The following CAMSAP2 variants were observed in gnomAD, a reference collection of about 807,000 sequenced individuals.
CAMSAP2 encodes calmodulin regulated spectrin associated protein family member 2.
In CAMSAP2, 26 loss-of-function variants were observed where a neutral mutation model predicts 146.1. The ratio of observed to expected loss-of-function variants is 0.18; its 90% CI spans 0.13 to 0.25. CAMSAP2 has a LOEUF of 0.25. Among genes scored for constraint, CAMSAP2 ranks in the 10% least tolerant of loss-of-function variants. CAMSAP2 has a pLI of 1.00. For synonymous variants in CAMSAP2, 499 were observed against 596.6 expected (o/e 0.84, Z 2.38); for missense variants, 1,381 against 1,759.3 (o/e 0.78, Z 3.85).
intron 1 of CAMSAP2, among the ~76,000 whole-genome samples, chr1:200,760,532 T>C (rs1314306540): frequency 2.6e-5 from 4 of 152,328 alleles, no homozygotes; most frequent in Admixed American, 6.5e-5. Flanking sequence ...TAGTTCATTC[T>C]GTAGATTTGA....
At chr1:200,846,275 T>C (rs1667458297) in intron 8 of CAMSAP2, among the ~76,000 whole-genome samples, 1 of 152,216 alleles carries the variant, frequency 6.6e-6, no homozygotes, top group Non-Finnish European at 1.5e-5. Context: ...ATTAAATCTT[T>C]AAATTCCACT....
chr1:200,756,045 C>T (rs142256900), intron 1 of CAMSAP2, among the ~76,000 whole-genome samples: 48 of 152,210 alleles, frequency 3.2e-4, no homozygotes, highest in African/African-American at 7.7e-4. Context: ...TGGAACATAG[C>T]GGCCTGGGGA....
At position 200,853,246 on chromosome 1, in the gene CAMSAP2, A is replaced by G; in HGVS notation, c.3603-29A>G. Reference sequence around the variant, plus strand: ...GTATGGTTTGTCTTTGGTATGCAGAATAAGAACTGTAACCATTTGATTTCT... The same window carrying G: ...GTATGGTTTGTCTTTGGTATGCAGAGTAAGAACTGTAACCATTTGATTTCT... On this transcript the variant is annotated intron_variant, in intron 12 of 16. Coordinates refer to ENST00000358823, the MANE Select transcript of CAMSAP2 (RefSeq NM_203459.4). This position sits in a 1 kb window ranked among gnomAD's most constrained non-coding sequence, Gnocchi z 5.1. 6.3e-7 allele frequency: 1 copy of G among 1,592,240 alleles called. No individual in the cohort carries two copies. Among genetic ancestry groups the G allele is most frequent in the Non-Finnish European group, 8.6e-7 (1 of 1,162,680 alleles).
intron 1 of CAMSAP2, among the ~76,000 whole-genome samples, chr1:200,741,374 T>C (rs1005137357): frequency 6.6e-6 from 1 of 152,242 alleles, no homozygotes; most frequent in African/African-American, 2.4e-5. Context: ...TTACTGCCTT[T>C]ATATAAAAAC....
At chr1:200,779,701 T>A (rs1665379790) in intron 2 of CAMSAP2, among the ~76,000 whole-genome samples, 1 of 152,246 alleles carries the variant, frequency 6.6e-6, no homozygotes, top group Non-Finnish European at 1.5e-5. Flanking sequence ...CAACTCTGGC[T>A]AACATCTGAA....
chr1:200,765,338 T>G (rs1183850964), intron 2 of CAMSAP2, among the ~76,000 whole-genome samples: 1 of 152,102 alleles, frequency 6.6e-6, no homozygotes, highest in African/African-American at 2.4e-5. Context: ...CAAGCAATTC[T>G]CCTGCCTCAG....
chr1:200,816,739 C>T lies in CAMSAP2; in HGVS notation c.645+1095C>T, dbSNP rs375330605. On this transcript the variant is annotated intron_variant, in intron 4 of 16. Transcript: ENST00000358823. ...ACACACGCACATATATGTGTGTACA[C>T]ACACACGCGTGTATATATGTGTGTA... Among the ~76,000 whole-genome samples the T allele has an allele frequency of 7.6e-3, 375 of 49,266 alleles. 119 individuals carry two copies. The highest frequency in any genetic ancestry group is 0.012 in the African/African-American group (156 of 13,022). The allele number at this position is 49,266 out of a possible 152,430, so 32.3% of individuals were successfully genotyped here.
At chr1:200,831,063 T>G (rs1667030403) in intron 4 of CAMSAP2, among the ~76,000 whole-genome samples, 1 of 152,204 alleles carries the variant, frequency 6.6e-6, no homozygotes, top group Non-Finnish European at 1.5e-5. Flanking sequence ...TATAATTATA[T>G]TTTAATTCTA....
intron 4 of CAMSAP2, among the ~76,000 whole-genome samples, chr1:200,816,949 T>C (rs550220586): frequency 4.7e-5 from 3 of 63,836 alleles, no homozygotes; most frequent in Admixed American, 1.4e-4. Context: ...TGTATGTGTG[T>C]ACACACACAC....
chr1:200,806,379 A>C (rs762700928), intron 2 of CAMSAP2, among the ~76,000 whole-genome samples: 5 of 152,200 alleles, frequency 3.3e-5, no homozygotes, highest in Non-Finnish European at 5.9e-5. Flanking sequence ...GGTCTTCTAA[A>C]CTTTCATGTT....
intron 2 of CAMSAP2, among the ~76,000 whole-genome samples, chr1:200,777,673 G>C (rs567029769): frequency 1.4e-4 from 21 of 152,112 alleles, no homozygotes; most frequent in African/African-American, 5.1e-4. Context: ...GGAAAAAAAG[G>C]TATACTTTAC....
At chr1:200,822,486 C>T (rs900456479) in intron 4 of CAMSAP2, among the ~76,000 whole-genome samples, 8 of 151,862 alleles carry the variant, frequency 5.3e-5, no homozygotes, top group African/African-American at 1.9e-4. Flanking sequence ...CTAATATTTC[C>T]TCATTATTAG....
rs573116116 is a variant in CAMSAP2, at chr1:200,849,408, A to G, written c.2639A>G (p.Tyr880Cys). 1.2e-5 allele frequency: 19 copies of G among 1,614,218 alleles called. No homozygotes were observed. In the East Asian group the frequency reaches 2.7e-4, roughly 23 times the overall value. The change falls in exon 11 of 17, where the codon TAT (tyrosine) becomes TGT (cysteine). Residue 880 changes from tyrosine (Y) to cysteine (C), a missense_variant. Tyr to Cys is a radical substitution (Grantham distance 194). Around this residue, in one of 4 missense-constraint regions of CAMSAP2, gnomAD observed 560 missense variants for 715.9 expected, o/e 0.78. Coordinates refer to ENST00000358823, the MANE Select transcript of CAMSAP2 (RefSeq NM_203459.4). The surrounding 1 kb of genome is among the most constrained non-coding windows in gnomAD (Gnocchi z 6.3). ...TTAAATGAAGGAGAGATTTTAGAAT[A>G]TACCAAATCCATTGAAAAGTTAAAT... ...ETLNEGEILE[Y>C]TKSIEKLNSS...
Position 200,852,548 on chromosome 1 carries a change from A to G in CAMSAP2, c.3473A>G (p.Gln1158Arg), listed in dbSNP as rs771513430. The G allele has an allele frequency of 6.2e-7, 1 of 1,611,442 alleles. No individual in the cohort carries two copies. The highest frequency in any genetic ancestry group is 8.5e-7 in the Non-Finnish European group (1 of 1,179,320). ...VCCGFFFKDD[Q>R]KAENDMAMKR... Reference sequence around the variant, plus strand: ...AATGAAATTCGTTCTTAGGATGATCAAAAAGCAGAAAATGATATGGCAATG... The same window carrying G: ...AATGAAATTCGTTCTTAGGATGATCGAAAAGCAGAAAATGATATGGCAATG... Residue 1158 changes from glutamine to arginine, a missense_variant, in exon 12 of 17, where the codon CAA becomes CGA. Coordinates refer to ENST00000358823, the MANE Select transcript of CAMSAP2 (RefSeq NM_203459.4).
At chr1:200,845,175 A>G (rs1667427215) in intron 8 of CAMSAP2, among the ~76,000 whole-genome samples, 1 of 152,122 alleles carries the variant, frequency 6.6e-6, no homozygotes, top group Non-Finnish European at 1.5e-5. Flanking sequence ...GGTAACTCTT[A>G]GGCCTTGGAG....
Position 200,760,891 on chromosome 1 carries a change from G to A in CAMSAP2, c.192G>A (p.Gln64=). 2 of 1,614,090 alleles carry A rather than the reference G, an allele frequency of 1.2e-6. No individual in the cohort carries two copies. Among genetic ancestry groups the A allele is most frequent in the Non-Finnish European group, 1.7e-6 (2 of 1,179,990 alleles). Residue 64 remains glutamine, a synonymous_variant, in exon 2 of 17, where the codon CAG becomes CAA. Coordinates refer to ENST00000358823, the MANE Select transcript of CAMSAP2 (RefSeq NM_203459.4). ...QEPFYTDQYD[Q]EHIKPPVVNL... ...CATTTTACACAGATCAGTATGACCA[G>A]GAACACATCAAACCACCTGTTGTTA...
chr1:200,805,691 G>GA (rs1666153435), intron 2 of CAMSAP2, among the ~76,000 whole-genome samples: 1 of 152,188 alleles, frequency 6.6e-6, no homozygotes, highest in Non-Finnish European at 1.5e-5. Flanking sequence ...TTCACAATCA[G>GA]AGTAACATTC....
intron 2 of CAMSAP2, among the ~76,000 whole-genome samples, chr1:200,773,887 AAAAATAAAATAAAAT>A (rs201163114): frequency 0.32 from 42,267 of 134,174 alleles, 7,315 homozygotes; most frequent in Non-Finnish European, 0.4. Context: ...CTCTGTCTCA[AAAAATAAAATAAAAT>A]AAAATAAAAT....
intron 1 of CAMSAP2, among the ~76,000 whole-genome samples, chr1:200,742,056 T>G (rs1664194471): frequency 1.3e-5 from 2 of 152,204 alleles, no homozygotes; most frequent in Non-Finnish European, 2.9e-5. Context: ...ATTACTTCAT[T>G]TATTCCTGCA....
Sources: gnomAD v4.1 joint callset for allele counts (sites outside exome capture counted in the v4.1 genomes callset) on GRCh38, gnomAD v4.1.1 for gene constraint, gnomAD v4.1.1 regional missense constraint, Gnocchi (gnomAD v3.1) non-coding constraint, MANE v1.5 for transcripts, NCBI Gene and HGNC (gene_info 2026-07-23, HGNC 2026-07-21) for gene names.